The following FSHR variants were observed in gnomAD, a reference collection of about 807,000 sequenced individuals.
The protein encoded by FSHR is follicle stimulating hormone receptor, also known as follicle-stimulating hormone receptor.
A neutral mutation model predicts 52.1 loss-of-function variants in FSHR; 46 were observed. The ratio of observed to expected loss-of-function variants is 0.88; its 90% CI spans 0.70 to 1.13. The LOEUF is 1.13. FSHR is among the 50% of genes most tolerant of loss of function. FSHR has a pLI of 0.00. For missense variants in FSHR, 964 were observed against 834.6 expected (o/e 1.16, Z -1.91); for synonymous variants, 399 against 309.6 (o/e 1.29, Z -3.03).
chr2:48,990,704 A>T (rs1217460542), intron 4 of FSHR, 67 bp from the exon 5 acceptor site: 1 of 936,340 alleles, frequency 1.1e-6, no homozygotes, highest in Admixed American at 1.7e-5. Flanking sequence ...TTAGAGCATG[A>T]ACTTTCCAGA....
intron 1 of FSHR, among the ~76,000 whole-genome samples, chr2:49,074,941 A>C (rs1669891006): frequency 6.6e-6 from 1 of 152,174 alleles, no homozygotes; most frequent in Non-Finnish European, 1.5e-5. Flanking sequence ...AGGAACAGAA[A>C]GTTGAACACT....
At chr2:49,025,963 G>C (rs1467564758) in intron 2 of FSHR, among the ~76,000 whole-genome samples, 1 of 152,192 alleles carries the variant, frequency 6.6e-6, no homozygotes, top group Non-Finnish European at 1.5e-5. Flanking sequence ...CTCAATTCAA[G>C]GTGGGACATG....
chr2:49,006,763 A>T (rs569933354), intron 4 of FSHR, among the ~76,000 whole-genome samples: 1 of 152,226 alleles, frequency 6.6e-6, no homozygotes, highest in Admixed American at 6.5e-5. Context: ...TCCCCAAAGG[A>T]CTGAGCTCCT....
chr2:49,028,626 A>G (rs758279556), intron 2 of FSHR, among the ~76,000 whole-genome samples: 9 of 152,208 alleles, frequency 5.9e-5, no homozygotes, highest in East Asian at 1.9e-4. Context: ...TTCTTGGCCA[A>G]TCTTACTGTT....
chr2:49,137,858 C>T (rs947308468), intron 1 of FSHR, among the ~76,000 whole-genome samples: 28 of 151,950 alleles, frequency 1.8e-4, no homozygotes, highest in African/African-American at 6.8e-4. Context: ...CAGAAGAATG[C>T]ATAAAGATAT....
At chr2:49,087,970 C>T (rs982876992) in intron 1 of FSHR, among the ~76,000 whole-genome samples, 2 of 152,170 alleles carry the variant, frequency 1.3e-5, no homozygotes, top group African/African-American at 4.8e-5. Flanking sequence ...CTAGCTGTAT[C>T]AGGCACTGTG....
At chr2:49,111,366 A>G (rs58976871) in intron 1 of FSHR, among the ~76,000 whole-genome samples, 6,069 of 152,196 alleles carry the variant, frequency 0.04, 401 homozygotes, top group African/African-American at 0.14. Flanking sequence ...TTTCGCCTTT[A>G]AAATGCTTTT....
chr2:49,063,331 A>G (rs1669380843), intron 2 of FSHR, among the ~76,000 whole-genome samples: 1 of 152,160 alleles, frequency 6.6e-6, no homozygotes, highest in African/African-American at 2.4e-5. Context: ...TAAATATGTC[A>G]AAGACCTATT....
At chr2:49,076,262 A>G (rs1669946641) in intron 1 of FSHR, among the ~76,000 whole-genome samples, 1 of 152,212 alleles carries the variant, frequency 6.6e-6, no homozygotes, top group African/African-American at 2.4e-5. Context: ...TAATGGACTT[A>G]CAGTTCCACG....
intron 2 of FSHR, among the ~76,000 whole-genome samples, chr2:49,043,777 A>T (rs986200805): frequency 4.6e-5 from 7 of 152,168 alleles, no homozygotes; most frequent in Non-Finnish European, 1.5e-5. Context: ...GCATAATGGG[A>T]TCAAAATGAC....
intron 9 of FSHR, among the ~76,000 whole-genome samples, chr2:48,966,758 T>C (rs754448503): frequency 3.3e-5 from 5 of 152,216 alleles, no homozygotes; most frequent in East Asian, 1.9e-4. Flanking sequence ...CAAATACCCA[T>C]TGCTAAAAAT....
intron 1 of FSHR, among the ~76,000 whole-genome samples, chr2:49,128,839 A>G (rs1470254804): frequency 6.6e-6 from 1 of 152,162 alleles, no homozygotes; most frequent in African/African-American, 2.4e-5. Flanking sequence ...TAATCTTTGA[A>G]GAATGACGAA....
At chr2:49,030,572 G>A (rs564230277) in intron 2 of FSHR, among the ~76,000 whole-genome samples, 1 of 152,190 alleles carries the variant, frequency 6.6e-6, no homozygotes, top group African/African-American at 2.4e-5. Context: ...CCACAGTGAA[G>A]GAGCAACAAG....
chr2:48,997,267 G>A (rs900591152), intron 4 of FSHR: 45 of 984,792 alleles, frequency 4.6e-5, no homozygotes, highest in African/African-American at 5.3e-5. Flanking sequence ...TTGCCTTTTC[G>A]ATCTCACATT....
intron 1 of FSHR, among the ~76,000 whole-genome samples, chr2:49,115,085 C>T (rs1671553170): frequency 6.7e-6 from 1 of 149,824 alleles, no homozygotes; most frequent in Non-Finnish European, 1.5e-5. Context: ...AGCTGGCTCA[C>T]TTAAACCTTA....
chr2:49,076,534 C>A (rs1444461766), intron 1 of FSHR, among the ~76,000 whole-genome samples: 1 of 152,146 alleles, frequency 6.6e-6, no homozygotes, highest in Non-Finnish European at 1.5e-5. Context: ...CAAACCATAT[C>A]ATTCTGCCCC....
intron 1 of FSHR, among the ~76,000 whole-genome samples, chr2:49,089,312 G>C (rs1272671190): frequency 2.0e-5 from 3 of 152,048 alleles, no homozygotes; most frequent in Non-Finnish European, 4.4e-5. Context: ...ATATGAACCA[G>C]AGATTTTTAC....
At chr2:49,143,199 AGAG>A (rs1485051368) in intron 1 of FSHR, among the ~76,000 whole-genome samples, 6 of 152,194 alleles carry the variant, frequency 3.9e-5, no homozygotes, top group South Asian at 2.1e-4. Context: ...AGAAGTCAGC[AGAG>A]GAGATCAAAG....
intron 1 of FSHR, among the ~76,000 whole-genome samples, chr2:49,070,132 A>C (rs1669674680): frequency 6.6e-6 from 1 of 152,196 alleles, no homozygotes; most frequent in African/African-American, 2.4e-5. Flanking sequence ...TGAAATTGCC[A>C]GGAAACAGTT....
Sources: gnomAD v4.1 joint callset for allele counts (sites outside exome capture counted in the v4.1 genomes callset) on GRCh38, gnomAD v4.1.1 for gene constraint, MANE v1.5 for transcripts, NCBI Gene and HGNC (gene_info 2026-07-23, HGNC 2026-07-21) for gene names.